The following C16orf89 variants were observed in gnomAD, a reference collection of about 807,000 sequenced individuals.
The protein encoded by C16orf89 is chromosome 16 open reading frame 89.
A neutral mutation model predicts 41.5 loss-of-function variants in C16orf89; 57 were observed. The ratio of observed to expected loss-of-function variants is 1.38; its 90% CI spans 1.11 to 1.71. The LOEUF (loss-of-function observed/expected upper bound fraction) is 1.71. Among genes scored for constraint, C16orf89 ranks in the 40% most tolerant of loss-of-function variants. The pLI, the probability that C16orf89 is intolerant of heterozygous loss-of-function variation, is 0.00. For missense variants in C16orf89, 575 were observed against 445.9 expected, an observed-to-expected ratio of 1.29 and a Z score of -2.61; for synonymous variants, 223 against 190.6, an observed-to-expected ratio of 1.17 and a Z score of -1.40.
chr16:5,060,945 C>CTTTTTT (rs386384101), intron 2 of C16orf89, among the ~76,000 whole-genome samples: 35 of 93,508 alleles, frequency 3.7e-4, no homozygotes, highest in African/African-American at 1.3e-3. Flanking sequence ...TATGATCAGC[C>CTTTTTT]TTTTTTTTTT....
intron 3 of C16orf89, among the ~76,000 whole-genome samples, chr16:5,059,664 C>T (rs999774829): frequency 5.9e-5 from 9 of 152,074 alleles, no homozygotes; most frequent in Admixed American, 1.3e-4. Flanking sequence ...TCCAAGCCCA[C>T]CAAACACCAG....
At chr16:5,057,414 CAT>C (rs968704226) in intron 4 of C16orf89, among the ~76,000 whole-genome samples, 14 of 143,460 alleles carry the variant, frequency 9.8e-5, no homozygotes, top group African/African-American at 3.6e-4. Flanking sequence ...TATATAGTGG[CAT>C]ATATATATAG....
chr16:5,044,824 A>T, intron 7 of C16orf89: 1 of 1,239,780 alleles, frequency 8.1e-7, no homozygotes, highest in Non-Finnish European at 1.0e-6. Context: ...AGCCTGAGCA[A>T]CAGAGCGAGA....
At chr16:5,059,400 A>G (rs1956571535) in intron 3 of C16orf89, among the ~76,000 whole-genome samples, 1 of 151,786 alleles carries the variant, frequency 6.6e-6, no homozygotes, top group African/African-American at 2.4e-5. Context: ...TGGTAGGAGG[A>G]GCTTGCAGTG....
intron 3 of C16orf89, 95 bp downstream of exon 3, chr16:5,060,191 T>G: frequency 7.1e-7 from 1 of 1,416,822 alleles, no homozygotes; most frequent in Non-Finnish European, 9.5e-7. Context: ...ACCCCTGGCT[T>G]CAGCCCTAGG....
intron 2 of C16orf89, among the ~76,000 whole-genome samples, chr16:5,061,923 G>A (rs1956635039): frequency 6.6e-6 from 1 of 152,174 alleles, no homozygotes; most frequent in Admixed American, 6.5e-5. Flanking sequence ...CGGGGCTGGT[G>A]AGGAGAGAGA....
At chr16:5,045,956 C>T (rs1325334961) in intron 7 of C16orf89, among the ~76,000 whole-genome samples, 1 of 152,180 alleles carries the variant, frequency 6.6e-6, no homozygotes, top group Non-Finnish European at 1.5e-5. Flanking sequence ...CCGCTCCAGT[C>T]CCTAGGACAG....
intron 7 of C16orf89, 47 bp downstream of exon 7, chr16:5,047,831 G>C: frequency 9.2e-7 from 1 of 1,083,118 alleles, no homozygotes; most frequent in Non-Finnish European, 1.4e-6. Context: ...GTTTTGCTAG[G>C]ATATCTTAGT....
chr16:5,047,823 T>A lies in C16orf89; in HGVS notation c.955+55A>T. 18 of 1,022,634 alleles carry A rather than the reference T, an allele frequency of 1.8e-5. No homozygotes were observed. The South Asian group carries it at 2.3e-4, about 13-fold the overall frequency. The allele number at this position is 1,022,634 out of a possible 1,614,324, so 63.3% of individuals were successfully genotyped here. ...GCAGAGAATAAACACAGGCCTCTGT[T>A]TTGCTAGGATATCTTAGTTTCATGT... On this transcript the variant is annotated intron_variant, in intron 7 of 7. Transcript: ENST00000472572.
Position 5,062,523 on chromosome 16 carries a change from G to A in C16orf89, c.260C>T (p.Pro87Leu), listed in dbSNP as rs561235172. The A allele has an allele frequency of 2.0e-5, 32 of 1,613,904 alleles. No homozygotes were observed. The highest frequency in any genetic ancestry group is 6.7e-5 in the East Asian group (3 of 44,876). ...CAGCATCCCCACGCGCAGGCTCAGC[G>A]GCTGCAGCAGGGGCTCCTGGGCCCA... ...EKWAQEPLLQ[P>L]LSLRVGMLGE... Residue 87 changes from proline (P) to leucine (L), a missense_variant, in exon 2 of 8, where the codon CCG becomes CTG. Transcript: ENST00000472572.
intron 4 of C16orf89, among the ~76,000 whole-genome samples, chr16:5,057,470 G>GGT (rs906764562): frequency 2.8e-5 from 4 of 145,384 alleles, no homozygotes; most frequent in Non-Finnish European, 4.5e-5. Context: ...TATATATACT[G>GGT]GTGTGTGTGT....
chr16:5,056,626 T>C (rs995592179), intron 4 of C16orf89, among the ~76,000 whole-genome samples: 1 of 151,724 alleles, frequency 6.6e-6, no homozygotes, highest in African/African-American at 2.4e-5. Context: ...TCAGTGCTAC[T>C]CAAAGTGTGG....
chr16:5,055,023 A>T (rs553100056), intron 6 of C16orf89, among the ~76,000 whole-genome samples: 1 of 152,326 alleles, frequency 6.6e-6, no homozygotes, highest in East Asian at 1.9e-4. Context: ...TGTAGGGGCC[A>T]ACACCTTCCA....
chr16:5,062,014 T>C (rs1956637079), intron 2 of C16orf89, among the ~76,000 whole-genome samples: 2 of 152,216 alleles, frequency 1.3e-5, no homozygotes, highest in African/African-American at 4.8e-5. Context: ...CGGGAATTTC[T>C]ACTGACATTT....
chr16:5,046,828 A>G (rs897191313), intron 7 of C16orf89, among the ~76,000 whole-genome samples: 3 of 151,760 alleles, frequency 2.0e-5, no homozygotes, highest in Admixed American at 6.6e-5. Flanking sequence ...CTTTCTTTAC[A>G]TTGGCCAACT....
intron 6 of C16orf89, among the ~76,000 whole-genome samples, chr16:5,050,684 C>T (rs939869932): frequency 6.6e-6 from 1 of 152,080 alleles, no homozygotes; most frequent in East Asian, 1.9e-4. Flanking sequence ...GACAAAGCAA[C>T]AACAAAAAAA....
Position 5,055,323 on chromosome 16 carries a change from G to A in C16orf89, c.791C>T (p.Ser264Phe). The stretch of plus-strand genomic sequence containing the variant: ...CAGCCACCGGAGCTTGTAGAAGTCG[G>A]AGAAGCCGCCCATTCCACAGAACAT... ...NIMFCGMGGF[S>F]DFYKLRWLEA... is the part of the protein sequence containing the mutation. The change falls in exon 6 of 8, where the codon TCC becomes TTC. Residue 264 changes from serine to phenylalanine, a missense_variant. Transcript: ENST00000472572. 1 of 1,613,014 alleles carries A rather than the reference G, an allele frequency of 6.2e-7. No homozygotes were observed. Among genetic ancestry groups the A allele is most frequent in the Non-Finnish European group, 8.5e-7 (1 of 1,179,470 alleles).
chr16:5,063,227 T>G (rs971836744), intron 1 of C16orf89, among the ~76,000 whole-genome samples: 2 of 151,934 alleles, frequency 1.3e-5, no homozygotes, highest in Non-Finnish European at 2.9e-5. Flanking sequence ...TGCAGTCAGG[T>G]AGGAACCTTG....
chr16:5,062,427 C>G lies in C16orf89; in HGVS notation c.356G>C (p.Arg119Thr), dbSNP rs1282929188. Residue 119 changes from arginine to threonine, a missense_variant and splice_region_variant, in exon 2 of 8, where the codon AGA (arginine) becomes ACA (threonine). Arg to Thr is a moderately conservative substitution (Grantham distance 71). Transcript: ENST00000472572. ...YLKLSDPKYL[R>T]EFQLTLQPGF... The stretch of plus-strand genomic sequence containing the variant: ...TGGGACACCCTGCGTGTGCTCACCT[C>G]TTAGGTACTTGGGATCACTCAGCTT... The G allele has an allele frequency of 5.0e-6, 8 of 1,611,928 alleles. No homozygotes were observed. Among genetic ancestry groups the G allele is most frequent in the Non-Finnish European group, 5.9e-6 (7 of 1,179,218 alleles).
Sources: gnomAD v4.1 joint callset for allele counts (sites outside exome capture counted in the v4.1 genomes callset) on GRCh38, gnomAD v4.1.1 for gene constraint, MANE v1.5 for transcripts, NCBI Gene and HGNC (gene_info 2026-07-23, HGNC 2026-07-21) for gene names.